Variants in VEGFC observed in about 807,000 individuals in gnomAD.
VEGFC encodes the protein vascular endothelial growth factor C.
VEGFC carries 12 observed loss-of-function variants against 46.1 expected under a neutral mutation model. The ratio of observed to expected loss-of-function variants is 0.26; its 90% CI spans 0.17 to 0.42. The LOEUF (loss-of-function observed/expected upper bound fraction) is 0.42, where lower values mean the gene tolerates loss of function less well. VEGFC is among the 10% of genes least tolerant of loss of function. The probability of loss-of-function intolerance (pLI) is 1.00; values close to 1 mark genes in which losing one functional copy is unlikely to be tolerated. For missense variants in VEGFC, 488 were observed against 529.4 expected, an observed-to-expected ratio of 0.92 and a Z score of 0.77; for synonymous variants, 232 against 195.5, an observed-to-expected ratio of 1.19 and a Z score of -1.56.
At chr4:176,697,059 A>AG (rs925725936) in intron 4 of VEGFC, among the ~76,000 whole-genome samples, 42 of 152,012 alleles carry the variant, frequency 2.8e-4, no homozygotes, top group African/African-American at 9.9e-4. Context: ...ATTACCATTC[A>AG]GGACATAGGC....
chr4:176,701,322 T>C (rs1279606971), intron 4 of VEGFC, among the ~76,000 whole-genome samples: 1 of 152,206 alleles, frequency 6.6e-6, no homozygotes, highest in Non-Finnish European at 1.5e-5. Flanking sequence ...ACAAAAATTG[T>C]CCATGTGTTT....
intron 1 of VEGFC, among the ~76,000 whole-genome samples, chr4:176,768,121 G>A (rs1056937174): frequency 2.6e-5 from 4 of 152,090 alleles, no homozygotes; most frequent in Admixed American, 6.5e-5. Context: ...GATCAGAAAC[G>A]GAGAGATAAA....
intron 4 of VEGFC, among the ~76,000 whole-genome samples, chr4:176,694,124 T>A (rs1249181936): frequency 1.3e-5 from 2 of 150,922 alleles, no homozygotes; most frequent in African/African-American, 4.9e-5. Context: ...AATTCACACA[T>A]AACAATATTA....
chr4:176,792,073 G>A lies in VEGFC; in HGVS notation c.147+92C>T. The A allele has an allele frequency of 7.2e-7, 1 of 1,390,450 alleles. No individual in the cohort carries two copies. Among genetic ancestry groups the A allele is most frequent in the Non-Finnish European group, 9.4e-7 (1 of 1,066,546 alleles). The allele number at this position is 1,390,450 out of a possible 1,614,324, so 86.1% of individuals were successfully genotyped here. A position where few individuals can be genotyped will look rare whatever the true frequency, so the allele number is the denominator to read the frequency against. The stretch of plus-strand genomic sequence containing the variant: ...TGGATCCCACGTACACAAGCTTAAA[G>A]CACACACACTTTCCCCCGCGCAGGT... On this transcript the variant is annotated intron_variant, in intron 1 of 6. Coordinates refer to ENST00000618562, the MANE Select transcript of VEGFC (RefSeq NM_005429.5). This position sits in a 1 kb window ranked among gnomAD's most constrained non-coding sequence, Gnocchi z 6.3.
At chr4:176,729,246 G>A (rs192043882) in intron 2 of VEGFC, among the ~76,000 whole-genome samples, 3 of 152,272 alleles carry the variant, frequency 2.0e-5, no homozygotes, top group Admixed American at 1.3e-4. Context: ...GATATAGTAT[G>A]TAAAATATAG....
intron 1 of VEGFC, among the ~76,000 whole-genome samples, chr4:176,771,711 C>T (rs1479358119): frequency 6.6e-6 from 1 of 152,150 alleles, no homozygotes; most frequent in Non-Finnish European, 1.5e-5. Flanking sequence ...GAAGGAGGAA[C>T]CACTGTTTTT....
At chr4:176,750,143 T>C (rs1036392845) in intron 1 of VEGFC, among the ~76,000 whole-genome samples, 1 of 151,852 alleles carries the variant, frequency 6.6e-6, no homozygotes, top group Non-Finnish European at 1.5e-5. Flanking sequence ...AATTAATCCT[T>C]ACAGGAGTCA....
chr4:176,760,379 G>A (rs552435958), intron 1 of VEGFC, among the ~76,000 whole-genome samples: 1 of 152,136 alleles, frequency 6.6e-6, no homozygotes, highest in African/African-American at 2.4e-5. Context: ...TTCCCTAATA[G>A]CTGCTCCCAA....
intron 1 of VEGFC, among the ~76,000 whole-genome samples, chr4:176,754,628 T>C (rs1029944237): frequency 3.9e-5 from 6 of 152,030 alleles, no homozygotes; most frequent in African/African-American, 1.2e-4. Context: ...TGGAACCATG[T>C]AGATAATCCA....
intron 1 of VEGFC, among the ~76,000 whole-genome samples, chr4:176,750,806 T>C (rs1342068180): frequency 1.4e-5 from 2 of 139,410 alleles, no homozygotes; most frequent in African/African-American, 6.7e-5. Context: ...AGAACCAATG[T>C]TTTTTTACCA....
chr4:176,735,461 A>G (rs968108784), intron 1 of VEGFC, among the ~76,000 whole-genome samples: 4 of 151,888 alleles, frequency 2.6e-5, no homozygotes, highest in Non-Finnish European at 4.4e-5. Flanking sequence ...CACACATAAA[A>G]CAGGAAAGAA....
At chr4:176,788,512 C>T (rs946609488) in intron 1 of VEGFC, among the ~76,000 whole-genome samples, 3 of 152,226 alleles carry the variant, frequency 2.0e-5, no homozygotes, top group African/African-American at 7.2e-5. Context: ...ATACATGCTT[C>T]TCGATTTACG....
intron 3 of VEGFC, 133 bp from the exon 4 acceptor site, chr4:176,711,783 GT>G: frequency 1.3e-6 from 1 of 785,706 alleles, no homozygotes; most frequent in Non-Finnish European, 2.0e-6. Flanking sequence ...AGGACGCTAT[GT>G]TTTTATGATT....
chr4:176,772,533 C>T lies in VEGFC; in HGVS notation c.147+19632G>A, dbSNP rs963840487. Reference sequence around the variant, plus strand: ...AAAACAAATCTAGAAAGTACAATGACGCAATGTCACAAATGTGGTTGCCTC... The same window carrying T: ...AAAACAAATCTAGAAAGTACAATGATGCAATGTCACAAATGTGGTTGCCTC... On this transcript the variant is annotated intron_variant, in intron 1 of 6. Coordinates refer to ENST00000618562, the MANE Select transcript of VEGFC (RefSeq NM_005429.5). Among the ~76,000 whole-genome samples the T allele has an allele frequency of 1.3e-4, 20 of 152,162 alleles. 1 individual carries two copies. The highest frequency in any genetic ancestry group is 2.2e-4 in the Non-Finnish European group (15 of 68,028).
At chr4:176,791,398 A>C (rs1223205653) in intron 1 of VEGFC, among the ~76,000 whole-genome samples, 1 of 152,194 alleles carries the variant, frequency 6.6e-6, no homozygotes, top group Non-Finnish European at 1.5e-5. Context: ...CAAAATCAGG[A>C]TGCCTCAAAA....
rs868218150 is a variant in VEGFC at position 176,692,271 on chromosome 4, G to A, written c.705-4344C>T. On this transcript the variant is annotated intron_variant, in intron 4 of 6. Transcript: ENST00000618562. ...TAGCCGGGCGTAGTGGCGGGCGCCT[G>A]TAGTCCCAGCTACTTGGGAGGCTGA... Among the ~76,000 whole-genome samples, 7 of 135,412 alleles carry A rather than the reference G, an allele frequency of 5.2e-5. No individual in the cohort carries two copies. The South Asian group carries it at 1.3e-3, about 25-fold the overall frequency. 88.8% of individuals were successfully genotyped at this position (135,412 alleles called of 152,430 possible).
intron 3 of VEGFC, among the ~76,000 whole-genome samples, chr4:176,719,422 C>T (rs1459017069): frequency 6.6e-6 from 1 of 152,056 alleles, no homozygotes; most frequent in Non-Finnish European, 1.5e-5. Context: ...ATTGAATAAA[C>T]TCAGGAAAAG....
At chr4:176,739,993 G>A (rs1341610133) in intron 1 of VEGFC, among the ~76,000 whole-genome samples, 1 of 12,504 alleles carries the variant, frequency 8.0e-5, no homozygotes, top group Non-Finnish European at 7.4e-4. Context: ...CTATATATTC[G>A]ATATATCGAA....
At chr4:176,776,286 G>A (rs1178329693) in intron 1 of VEGFC, among the ~76,000 whole-genome samples, 1 of 152,138 alleles carries the variant, frequency 6.6e-6, no homozygotes. Flanking sequence ...GCAAAAAAAA[G>A]CAAAAGTTTT....
Sources: gnomAD v4.1 joint callset for allele counts (sites outside exome capture counted in the v4.1 genomes callset) on GRCh38, gnomAD v4.1.1 for gene constraint, Gnocchi (gnomAD v3.1) non-coding constraint, MANE v1.5 for transcripts, NCBI Gene and HGNC (gene_info 2026-07-23, HGNC 2026-07-21) for gene names.